The following TRERF1 variants were observed in gnomAD, a reference collection of about 807,000 sequenced individuals.
The protein encoded by TRERF1 is transcriptional-regulating factor 1.
In TRERF1, 27 loss-of-function variants were observed where a neutral mutation model predicts 122.9. The ratio of observed to expected loss-of-function variants is 0.22; its 90% CI spans 0.16 to 0.30. The LOEUF (loss-of-function observed/expected upper bound fraction) is 0.30. Ranked by LOEUF, TRERF1 falls within the 10% of genes least tolerant of loss-of-function variation. The pLI, the probability that TRERF1 is intolerant of heterozygous loss-of-function variation, is 1.00. For synonymous variants in TRERF1, 636 were observed against 641.7 expected (o/e 0.99, Z 0.13); for missense variants, 1,248 against 1,560.3 (o/e 0.80, Z 3.37).
chr6:42,235,333 A>G (rs969377698), intron 16 of TRERF1, among the ~76,000 whole-genome samples: 2 of 148,086 alleles, frequency 1.4e-5, no homozygotes, highest in Admixed American at 1.3e-4. Flanking sequence ...ACTTGCCTAT[A>G]CAGGTGTGCC....
intron 2 of TRERF1, among the ~76,000 whole-genome samples, chr6:42,378,111 C>G (rs1028494438): frequency 6.6e-6 from 1 of 152,106 alleles, no homozygotes; most frequent in African/African-American, 2.4e-5. Context: ...TGTGTTATAA[C>G]AGCTCATTGG....
chr6:42,291,072 A>G (rs1300352143), intron 4 of TRERF1, among the ~76,000 whole-genome samples: 1 of 152,216 alleles, frequency 6.6e-6, no homozygotes, highest in Non-Finnish European at 1.5e-5. Flanking sequence ...GAATGGACAT[A>G]TACTATTTTG....
intron 4 of TRERF1, among the ~76,000 whole-genome samples, chr6:42,291,071 T>C (rs778682067): frequency 6.6e-6 from 1 of 152,222 alleles, no homozygotes; most frequent in Non-Finnish European, 1.5e-5. Flanking sequence ...AGAATGGACA[T>C]ATACTATTTT....
intron 2 of TRERF1, among the ~76,000 whole-genome samples, chr6:42,441,614 C>G (rs546151629): frequency 7.9e-5 from 12 of 151,954 alleles, no homozygotes; most frequent in African/African-American, 2.9e-4. Flanking sequence ...AGCAGAGAAG[C>G]CTGGATTTCT....
chr6:42,232,753 C>G lies in TRERF1; in HGVS notation c.3206G>C (p.Ser1069Thr). The change falls in exon 17 of 18, where the codon AGC (serine) becomes ACC (threonine). Residue 1069 changes from serine (S) to threonine (T), a missense_variant. By Grantham distance (58) the Ser-to-Thr change is moderately conservative (BLOSUM62 1). Transcript: ENST00000372922. The surrounding 1 kb of genome is among the most constrained non-coding windows in gnomAD (Gnocchi z 4.5). ...GCTGGTGGTGCTGTGAGAGGGTGAG[C>G]TCTTTACCGAACAGTACCCACTCTG... 2 of 1,611,760 alleles carry G rather than the reference C, an allele frequency of 1.2e-6. No homozygotes were observed. The highest frequency in any genetic ancestry group is 1.7e-6 in the Non-Finnish European group (2 of 1,178,084).
chr6:42,342,128 C>T (rs985603237), intron 3 of TRERF1, among the ~76,000 whole-genome samples: 11 of 152,254 alleles, frequency 7.2e-5, no homozygotes, highest in African/African-American at 2.7e-4. Context: ...AGGCCCATGC[C>T]AGTGCTCTGA....
At chr6:42,432,480 T>C (rs772015401) in intron 2 of TRERF1, among the ~76,000 whole-genome samples, 54 of 152,166 alleles carry the variant, frequency 3.5e-4, no homozygotes, top group Non-Finnish European at 1.2e-4. Flanking sequence ...GACCTAAGTA[T>C]CTGACAATTG....
At chr6:42,347,114 G>A (rs1034378594) in intron 3 of TRERF1, among the ~76,000 whole-genome samples, 4 of 152,188 alleles carry the variant, frequency 2.6e-5, no homozygotes, top group Non-Finnish European at 1.5e-5. Flanking sequence ...CCCTCTTGGA[G>A]AAATAAGCAC....
chr6:42,364,365 C>T (rs1267338004), intron 2 of TRERF1, among the ~76,000 whole-genome samples: 2 of 152,254 alleles, frequency 1.3e-5, no homozygotes, highest in African/African-American at 4.8e-5. Flanking sequence ...TTTCTCTTTG[C>T]AACCCTTATT....
In TRERF1 at chr6:42,275,017, TC is replaced by T. The variant is rs1312237235; in HGVS notation, c.-258-5170del. Among the ~76,000 whole-genome samples, 13 of 152,172 alleles carry T rather than the reference TC, an allele frequency of 8.5e-5. No homozygotes were observed. Among genetic ancestry groups the T allele is most frequent in the Non-Finnish European group, 1.5e-4 (10 of 68,028 alleles). On this transcript the variant is annotated intron_variant, in intron 4 of 17. Transcript: ENST00000372922. The surrounding 1 kb of genome is among the most constrained non-coding windows in gnomAD (Gnocchi z 4.1). ...GGACAGTCAATCAGGTTCTTATATA[TC>T]CTCCTAGAGACACTTTATGCTCATA...
intron 2 of TRERF1, among the ~76,000 whole-genome samples, chr6:42,374,150 A>AAGAAGAAGAAGAAG (rs1554193491): frequency 1.1e-3 from 164 of 144,014 alleles, no homozygotes; most frequent in African/African-American, 3.8e-3. Context: ...AAAAAAAAAA[A>AAGAAGAAGAAGAAG]AAGAAGAAGA....
intron 15 of TRERF1, among the ~76,000 whole-genome samples, chr6:42,238,842 C>G (rs11966451): frequency 6.0e-5 from 8 of 133,800 alleles, no homozygotes; most frequent in Non-Finnish European, 9.6e-5. Flanking sequence ...ATTTCACACA[C>G]ACACACACAC....
chr6:42,399,188 A>C (rs1259870524), intron 2 of TRERF1, among the ~76,000 whole-genome samples: 4 of 152,240 alleles, frequency 2.6e-5, no homozygotes, highest in Non-Finnish European at 5.9e-5. Context: ...AGAGAAATGA[A>C]ACAGAATGTA....
intron 3 of TRERF1, among the ~76,000 whole-genome samples, chr6:42,320,258 T>C (rs946810076): frequency 3.9e-5 from 6 of 152,102 alleles, no homozygotes; most frequent in Non-Finnish European, 5.9e-5. Context: ...ATCCTAAATA[T>C]ACTCCTTTAG....
chr6:42,255,131 C>A (rs1776500060), intron 12 of TRERF1, among the ~76,000 whole-genome samples: 1 of 152,196 alleles, frequency 6.6e-6, no homozygotes, highest in African/African-American at 2.4e-5. Flanking sequence ...CCTCTCCATC[C>A]ATGCCTGAAG....
chr6:42,366,885 G>A (rs1012843503), intron 2 of TRERF1, among the ~76,000 whole-genome samples: 1 of 152,112 alleles, frequency 6.6e-6, no homozygotes, highest in Admixed American at 6.5e-5. Context: ...AGGCAGACAG[G>A]CAGATCTGGG....
intron 4 of TRERF1, among the ~76,000 whole-genome samples, chr6:42,298,784 A>G (rs899529418): frequency 1.3e-5 from 2 of 151,986 alleles, no homozygotes; most frequent in Non-Finnish European, 2.9e-5. Context: ...TACTAAAAAT[A>G]CAAAAATTAG....
At chr6:42,230,727 G>A (rs1188022582) in intron 17 of TRERF1, among the ~76,000 whole-genome samples, 1 of 152,198 alleles carries the variant, frequency 6.6e-6, no homozygotes, top group Non-Finnish European at 1.5e-5. Flanking sequence ...GGACAGCAGG[G>A]TGTGGAGGAG....
intron 3 of TRERF1, among the ~76,000 whole-genome samples, chr6:42,307,854 A>G (rs999551682): frequency 1.3e-5 from 2 of 152,234 alleles, no homozygotes; most frequent in Non-Finnish European, 2.9e-5. Context: ...AGCTCTCATC[A>G]AAGTGGTGGT....
Sources: allele counts gnomAD v4.1 joint callset (sites outside exome capture counted in the v4.1 genomes callset), GRCh38; gene constraint gnomAD v4.1.1; non-coding constraint Gnocchi (gnomAD v3.1); transcripts MANE v1.5; gene names NCBI Gene and HGNC (gene_info 2026-07-23, HGNC 2026-07-21).